Variants in LHFPL3 observed in about 807,000 individuals in gnomAD.
LHFPL3 encodes the protein LHFPL tetraspan subfamily member 3 protein.
LHFPL3 carries 5 observed loss-of-function variants against 19.3 expected under a neutral mutation model. The ratio of observed to expected loss-of-function variants is 0.26; its 90% confidence interval spans 0.14 to 0.54. The LOEUF is 0.54. LHFPL3 is among the 20% of genes least tolerant of loss of function. The pLI is 0.94. For missense variants in LHFPL3, 249 were observed against 307.4 expected (o/e 0.81, Z 1.42); for synonymous variants, 133 against 126.2 (o/e 1.05, Z -0.36).
chr7:104,604,143 C>T (rs568444855), intron 1 of LHFPL3, among the ~76,000 whole-genome samples: 5 of 152,160 alleles, frequency 3.3e-5, no homozygotes, highest in Non-Finnish European at 7.4e-5. Flanking sequence ...AGGTGGAGAC[C>T]GCCATGGCCC....
At chr7:104,635,178 A>G (rs1420680511) in intron 1 of LHFPL3, among the ~76,000 whole-genome samples, 1 of 152,170 alleles carries the variant, frequency 6.6e-6, no homozygotes, top group African/African-American at 2.4e-5. Context: ...TGGGGGGGAA[A>G]GGTAAGAAAA....
chr7:104,635,469 A>T (rs952160428), intron 1 of LHFPL3, among the ~76,000 whole-genome samples: 7 of 152,312 alleles, frequency 4.6e-5, no homozygotes, highest in South Asian at 4.1e-4. Context: ...AAATTTTTTT[A>T]AAAGTATTAA....
At chr7:104,790,582 T>G (rs1790006010) in intron 2 of LHFPL3, among the ~76,000 whole-genome samples, 1 of 152,186 alleles carries the variant, frequency 6.6e-6, no homozygotes, top group Non-Finnish European at 1.5e-5. Flanking sequence ...GTTTTCCTTT[T>G]GAAACTCATG....
rs17137140 is a variant in LHFPL3 at position 104,379,570 on chromosome 7, G to A, written c.445+50346G>A. On this transcript the variant is annotated intron_variant, in intron 1 of 2. Transcript: ENST00000424859. The stretch of plus-strand genomic sequence containing the variant: ...AAGTCAATTATTTAAATTGTTCCAA[G>A]CTGGCAATAAGGAGCAGGATGTCTG... Among the ~76,000 whole-genome samples the A allele has an allele frequency of 5.6e-3, 853 of 152,274 alleles. 2 individuals carry two copies. The highest frequency in any genetic ancestry group is 0.02 in the African/African-American group (817 of 41,566).
At chr7:104,800,882 T>C (rs115723404) in intron 2 of LHFPL3, among the ~76,000 whole-genome samples, 2,158 of 152,302 alleles carry the variant, frequency 0.014, 42 homozygotes, top group African/African-American at 0.043. Flanking sequence ...GATAAGCTCC[T>C]GAGGACCCCA....
intron 1 of LHFPL3, among the ~76,000 whole-genome samples, chr7:104,447,303 C>T (rs1289463117): frequency 2.0e-5 from 3 of 152,052 alleles, no homozygotes; most frequent in Non-Finnish European, 4.4e-5. Flanking sequence ...CTTTAGTCTG[C>T]AGTAAAATTT....
At chr7:104,505,313 C>T (rs1055465681) in intron 1 of LHFPL3, among the ~76,000 whole-genome samples, 16 of 152,230 alleles carry the variant, frequency 1.1e-4, no homozygotes, top group South Asian at 2.1e-4. Flanking sequence ...TTTTTAAAGC[C>T]GTCACATTCA....
intron 1 of LHFPL3, among the ~76,000 whole-genome samples, chr7:104,736,142 G>GA (rs890129227): frequency 6.6e-6 from 1 of 151,340 alleles, no homozygotes; most frequent in Non-Finnish European, 1.5e-5. Context: ...AAAGGAAGGA[G>GA]AAAAAAAACA....
intron 1 of LHFPL3, among the ~76,000 whole-genome samples, chr7:104,411,392 G>C (rs1791532021): frequency 1.3e-5 from 2 of 152,052 alleles, no homozygotes; most frequent in Admixed American, 6.6e-5. Context: ...ATAACCAGAG[G>C]GTTTATTTGT....
At chr7:104,863,965 T>C (rs993548496) in intron 2 of LHFPL3, among the ~76,000 whole-genome samples, 1 of 152,252 alleles carries the variant, frequency 6.6e-6, no homozygotes, top group East Asian at 1.9e-4. Flanking sequence ...CCTCTTGGAA[T>C]TGGTTTGATG....
intron 2 of LHFPL3, among the ~76,000 whole-genome samples, chr7:104,905,494 G>T (rs2116739547): frequency 6.6e-6 from 1 of 152,224 alleles, no homozygotes; most frequent in African/African-American, 2.4e-5. Flanking sequence ...GGCTGGGGAA[G>T]GTGGCTCACT....
At chr7:104,530,205 T>G (rs940688593) in intron 1 of LHFPL3, among the ~76,000 whole-genome samples, 1 of 152,342 alleles carries the variant, frequency 6.6e-6, no homozygotes, top group African/African-American at 2.4e-5. Context: ...TAATTCTAGA[T>G]TGAAATCATT....
At chr7:104,365,801 A>AAAAAAAAAAAAAAAAAAAAAAAAG (rs893610992) in intron 1 of LHFPL3, among the ~76,000 whole-genome samples, 3 of 142,252 alleles carry the variant, frequency 2.1e-5, no homozygotes, top group African/African-American at 7.8e-5. Context: ...AAAAAAAAAA[A>AAAAAAAAAAAAAAAAAAAAAAAAG]AAAAGAAAAG....
intron 2 of LHFPL3, among the ~76,000 whole-genome samples, chr7:104,794,758 T>C (rs1241942439): frequency 2.0e-5 from 3 of 152,230 alleles, no homozygotes; most frequent in African/African-American, 7.2e-5. Flanking sequence ...AGAATCAGCC[T>C]CTGTGTCGTC....
intron 2 of LHFPL3, among the ~76,000 whole-genome samples, chr7:104,850,331 G>T (rs1212422437): frequency 2.0e-5 from 3 of 152,132 alleles, no homozygotes; most frequent in Non-Finnish European, 2.9e-5. Flanking sequence ...AGTAATTGCG[G>T]TTTTTGCCGT....
chr7:104,335,799 G>C (rs1789794955), intron 1 of LHFPL3, among the ~76,000 whole-genome samples: 1 of 151,266 alleles, frequency 6.6e-6, no homozygotes, highest in African/African-American at 2.4e-5. Context: ...CAGATGGCCA[G>C]GCTAGTATAT....
intron 2 of LHFPL3, among the ~76,000 whole-genome samples, chr7:104,869,706 A>G (rs1791795400): frequency 1.3e-5 from 2 of 152,200 alleles, no homozygotes; most frequent in African/African-American, 2.4e-5. Context: ...ATCTAGAACT[A>G]GAAATACCAT....
chr7:104,824,887 A>G (rs1227347361), intron 2 of LHFPL3, among the ~76,000 whole-genome samples: 1 of 135,804 alleles, frequency 7.4e-6, no homozygotes, highest in Non-Finnish European at 1.5e-5. Flanking sequence ...TATATATATT[A>G]TATAATAATT....
chr7:104,632,245 C>T (rs866678668), intron 1 of LHFPL3, among the ~76,000 whole-genome samples: 5 of 152,158 alleles, frequency 3.3e-5, no homozygotes, highest in East Asian at 1.9e-4. Flanking sequence ...TGTATATTTA[C>T]GTAGCAACAA....
Sources: gnomAD v4.1 joint callset for allele counts (sites outside exome capture counted in the v4.1 genomes callset) on GRCh38, gnomAD v4.1.1 for gene constraint, MANE v1.5 for transcripts, NCBI Gene and HGNC (gene_info 2026-07-23, HGNC 2026-07-21) for gene names.